Variants in CCDC68 observed in about 807,000 individuals in gnomAD.
CCDC68 encodes coiled-coil domain-containing protein 68.
In CCDC68, 45 loss-of-function variants were observed where a neutral mutation model predicts 47.1. The observed-to-expected ratio is 0.96, with a 90% CI of 0.75 to 1.23. The LOEUF (loss-of-function observed/expected upper bound fraction) is 1.23, where lower values mean the gene tolerates loss of function less well. Among genes scored for constraint, CCDC68 ranks in the 50% most tolerant of loss-of-function variants. The probability of loss-of-function intolerance (pLI) is 0.00; values close to 1 mark genes in which losing one functional copy is unlikely to be tolerated. For missense variants in CCDC68, 353 were observed against 373.6 expected, an observed-to-expected ratio of 0.94 and a Z score of 0.45; for synonymous variants, 131 against 129.5, an observed-to-expected ratio of 1.01 and a Z score of -0.08.
At chr18:54,927,067 C>T (rs1383594047) in intron 8 of CCDC68, among the ~76,000 whole-genome samples, 1 of 152,116 alleles carries the variant, frequency 6.6e-6, no homozygotes. Flanking sequence ...CAGAAACTGT[C>T]TTTTTTGTAG....
intron 8 of CCDC68, among the ~76,000 whole-genome samples, chr18:54,925,898 T>C (rs1377181454): frequency 6.6e-6 from 1 of 152,218 alleles, no homozygotes; most frequent in Non-Finnish European, 1.5e-5. Flanking sequence ...GATGTAGGTG[T>C]AGCCCTGTTT....
At chr18:54,942,978 T>C (rs2044463737) in intron 2 of CCDC68, 175 bp from the exon 3 acceptor site, 3 of 449,802 alleles carry the variant, frequency 6.7e-6, no homozygotes. Context: ...TATAAAGCCA[T>C]ATCATCTGAA....
chr18:54,950,853 C>A (rs367661101), intron 1 of CCDC68, among the ~76,000 whole-genome samples: 8 of 138,978 alleles, frequency 5.8e-5, no homozygotes, highest in African/African-American at 1.6e-4. Context: ...GTTATAAGAA[C>A]CTCATCAACT....
chr18:54,904,387 A>G lies in CCDC68; in HGVS notation c.979T>C (p.Tyr327His). 6.2e-7 allele frequency: 1 copy of G among 1,613,608 alleles called. No individual in the cohort carries two copies. Among genetic ancestry groups the G allele is most frequent in the Non-Finnish European group, 8.5e-7 (1 of 1,179,560 alleles). ...TTCCGTAACCTAATCAACATTAAAT[A>G]AGGGGAAACACCTTCGGTCTTCAAT... is the stretch of plus-strand genomic sequence containing the variant. Reference protein sequence around the residue: ...SELKTEGVSPYLMLIRLRK With the variant: ...SELKTEGVSPHLMLIRLRK The change falls in exon 12 of 12, where the codon TAT (tyrosine) becomes CAT (histidine). Residue 327 changes from tyrosine (Y) to histidine (H), a missense_variant. Tyr to His is a moderately conservative substitution (Grantham distance 83). Transcript: ENST00000591504.
chr18:54,951,931 G>A (rs904492545), intron 1 of CCDC68, among the ~76,000 whole-genome samples: 3 of 152,204 alleles, frequency 2.0e-5, no homozygotes, highest in Non-Finnish European at 2.9e-5. Flanking sequence ...GAAAAATTCA[G>A]ATGAGAATGC....
Position 54,951,477 on chromosome 18 carries a change from G to A in CCDC68, c.-102-6000C>T, listed in dbSNP as rs74475320. Among the ~76,000 whole-genome samples, 717 of 152,250 alleles carry A rather than the reference G, an allele frequency of 4.7e-3. 2 individuals carry two copies. Among genetic ancestry groups the A allele is most frequent in the African/African-American group, 0.016 (670 of 41,538 alleles). Reference sequence around the variant, plus strand: ...TTGATATTATTATTCCCATTTTGCAGATGAAGAAACAAGGCTCAACAAGAT... The same window carrying A: ...TTGATATTATTATTCCCATTTTGCAAATGAAGAAACAAGGCTCAACAAGAT... On this transcript the variant is annotated intron_variant, in intron 1 of 11. Coordinates refer to ENST00000591504, the MANE Select transcript of CCDC68 (RefSeq NM_025214.3).
chr18:54,928,928 T>A, intron 7 of CCDC68, 46 bp from the exon 8 acceptor site: 1 of 1,033,756 alleles, frequency 9.7e-7, no homozygotes, highest in South Asian at 1.3e-5. Flanking sequence ...CATGTGTATG[T>A]TTGGTAAGGC....
chr18:54,943,448 C>A (rs973719236), intron 2 of CCDC68, among the ~76,000 whole-genome samples: 152 of 152,044 alleles, frequency 1.0e-3, no homozygotes, highest in African/African-American at 3.6e-3. Flanking sequence ...TTAAGGTTTT[C>A]ATACTAAACC....
chr18:54,934,612 G>A (rs2044313156), intron 7 of CCDC68, among the ~76,000 whole-genome samples: 1 of 152,030 alleles, frequency 6.6e-6, no homozygotes, highest in Non-Finnish European at 1.5e-5. Flanking sequence ...TTTGCAGAAA[G>A]GTAAATCAAT....
At position 54,938,038 on chromosome 18, in the gene CCDC68, C is replaced by G; in HGVS notation, c.264G>C (p.Leu88Phe). The G allele has an allele frequency of 6.2e-7, 1 of 1,613,782 alleles. No homozygotes were observed. The highest frequency in any genetic ancestry group is 8.5e-7 in the Non-Finnish European group (1 of 1,179,788). The change falls in exon 5 of 12, where the codon TTG becomes TTC. Residue 88 changes from leucine (L) to phenylalanine (F), a missense_variant. Coordinates refer to ENST00000591504, the MANE Select transcript of CCDC68 (RefSeq NM_025214.3). ...CTTTTATCTTTTTCATAAGCAAATC[C>G]AAACTGCAACAAGAAGGATCCATTT... is the stretch of plus-strand genomic sequence containing the variant. ...DSEMDPSCCS[L>F]DLLMKKIKGK...
At chr18:54,916,797 T>C (rs2043960622) in intron 10 of CCDC68, among the ~76,000 whole-genome samples, 1 of 152,186 alleles carries the variant, frequency 6.6e-6, no homozygotes, top group Admixed American at 6.5e-5. Flanking sequence ...CACCTTGAAT[T>C]GTAATAATCC....
intron 10 of CCDC68, among the ~76,000 whole-genome samples, chr18:54,911,112 G>T (rs903857861): frequency 1.3e-5 from 2 of 152,188 alleles, no homozygotes; most frequent in African/African-American, 4.8e-5. Context: ...GCCATCAATG[G>T]CTCACTGCAA....
At position 54,957,625 on chromosome 18, in the gene CCDC68, ACACTCT is replaced by A. The variant is rs965470859; in HGVS notation, c.-103+1705_-103+1710del. ...TAAAACAATGTACACACACACACAC[ACACTCT>A]CTCTCTCTCTCTCTCTCTCTCTCTC... On this transcript the variant is annotated intron_variant, in intron 1 of 11. Transcript: ENST00000591504. 7.5e-5 allele frequency among the ~76,000 whole-genome samples: 10 copies of A among 133,562 alleles called. No homozygotes were observed. The East Asian group carries it at 1.3e-3, about 18-fold the overall frequency. The allele number at this position is 133,562 out of a possible 152,430, so 87.6% of individuals were successfully genotyped here.
At chr18:54,916,758 G>A (rs2043960074) in intron 10 of CCDC68, among the ~76,000 whole-genome samples, 2 of 152,192 alleles carry the variant, frequency 1.3e-5, no homozygotes. Context: ...GGGTTGATAT[G>A]GTTTGGCTCT....
At chr18:54,914,214 C>G (rs1411481055) in intron 10 of CCDC68, among the ~76,000 whole-genome samples, 1 of 152,184 alleles carries the variant, frequency 6.6e-6, no homozygotes, top group Non-Finnish European at 1.5e-5. Context: ...GTAACATCCA[C>G]TGCTGTGAAG....
At chr18:54,932,183 A>C (rs2145515187) in intron 7 of CCDC68, among the ~76,000 whole-genome samples, 1 of 136,804 alleles carries the variant, frequency 7.3e-6, no homozygotes, top group Non-Finnish European at 1.6e-5. Context: ...TTTTAAACCA[A>C]TTTGGTTTTT....
Position 54,907,790 on chromosome 18 carries a change from T to C in CCDC68, c.946A>G (p.Thr316Ala), listed in dbSNP as rs370614984. ...PRTKVSKAVS[T>A]SELKTEGVSP... ...GGAAGAGGACAGAGACCTTACCTTG[T>C]AGAGACAGCCTTAGATACCTTTGTC... Residue 316 changes from threonine (T) to alanine (A), a missense_variant, in exon 11 of 12, where the codon ACA becomes GCA. By Grantham distance (58) the Thr-to-Ala change is moderately conservative. Transcript: ENST00000591504. The C allele has an allele frequency of 6.3e-7, 1 of 1,580,762 alleles. No individual in the cohort carries two copies. The highest frequency in any genetic ancestry group is 8.7e-7 in the Non-Finnish European group (1 of 1,149,672).
chr18:54,930,294 T>C (rs2044219607), intron 7 of CCDC68, among the ~76,000 whole-genome samples: 1 of 152,190 alleles, frequency 6.6e-6, no homozygotes, highest in Non-Finnish European at 1.5e-5. Context: ...TATATTCATT[T>C]GACTTATATT....
At position 54,904,434 on chromosome 18, in the gene CCDC68, G is replaced by A. The variant is rs370115623; in HGVS notation, c.951-19C>T. ...CAATTCACTGTAGAAAAGACAACAC[G>A]ATGATCAAAATGGAGAATGTTAAAC... On this transcript the variant is annotated intron_variant, in intron 11 of 11. Transcript: ENST00000591504. The A allele has an allele frequency of 7.5e-6, 12 of 1,602,638 alleles. No homozygotes were observed. The highest frequency in any genetic ancestry group is 1.7e-5 in the Admixed American group (1 of 59,914).
Sources: allele counts gnomAD v4.1 joint callset (sites outside exome capture counted in the v4.1 genomes callset), GRCh38; gene constraint gnomAD v4.1.1; transcripts MANE v1.5; gene names NCBI Gene and HGNC (gene_info 2026-07-23, HGNC 2026-07-21).